Variants in SLC9A9 observed in about 807,000 individuals in gnomAD.
SLC9A9 encodes the protein solute carrier family 9 member A9.
Under a neutral mutation model 77.8 loss-of-function variants are expected in SLC9A9, and 62 were observed. The observed-to-expected ratio is 0.80, with a 90% CI of 0.65 to 0.98. The LOEUF is 0.98. SLC9A9 is among the 50% of genes least tolerant of loss of function. SLC9A9 has a pLI of 0.00. For synonymous variants in SLC9A9, 320 were observed against 283.5 expected, an observed-to-expected ratio of 1.13 and a Z score of -1.29; for missense variants, 775 against 774.9, an observed-to-expected ratio of 1.00 and a Z score of 0.00.
chr3:143,595,287 C>G (rs2037735318), intron 6 of SLC9A9, among the ~76,000 whole-genome samples: 1 of 152,138 alleles, frequency 6.6e-6, no homozygotes, highest in East Asian at 1.9e-4. Context: ...AATTGAGTAT[C>G]TTTTTAAATG....
intron 5 of SLC9A9, among the ~76,000 whole-genome samples, chr3:143,658,278 C>G (rs569205395): frequency 6.6e-6 from 1 of 152,348 alleles, no homozygotes; most frequent in African/African-American, 2.4e-5. Context: ...TGCCCTAAGG[C>G]ATTTGTTATA....
intron 11 of SLC9A9, among the ~76,000 whole-genome samples, chr3:143,468,232 TA>T (rs1278506428): frequency 6.6e-6 from 1 of 152,262 alleles, no homozygotes. Context: ...TTTAGGTTTT[TA>T]AGAAATCACT....
intron 6 of SLC9A9, among the ~76,000 whole-genome samples, chr3:143,614,867 G>A (rs184774879): frequency 6.6e-6 from 1 of 152,352 alleles, no homozygotes; most frequent in East Asian, 1.9e-4. Flanking sequence ...GGTTATGAAA[G>A]CTTAAGTCCA....
intron 6 of SLC9A9, among the ~76,000 whole-genome samples, chr3:143,647,556 C>T (rs1177881907): frequency 6.6e-6 from 1 of 152,092 alleles, no homozygotes; most frequent in East Asian, 1.9e-4. Flanking sequence ...CATCCTTTGC[C>T]TATATCGTGA....
intron 14 of SLC9A9, among the ~76,000 whole-genome samples, chr3:143,292,378 A>G (rs2030040662): frequency 7.9e-5 from 12 of 152,324 alleles, no homozygotes; most frequent in Admixed American, 7.2e-4. Flanking sequence ...GACTTACACT[A>G]CTATTTCCAT....
chr3:143,728,124 G>A (rs1934708466), intron 4 of SLC9A9, among the ~76,000 whole-genome samples: 1 of 152,222 alleles, frequency 6.6e-6, no homozygotes, highest in South Asian at 2.1e-4. Context: ...TCTAAGGACA[G>A]CAACTATTCT....
At position 143,578,729 on chromosome 3, in the gene SLC9A9, A is replaced by C. The variant is rs2037407154; in HGVS notation, c.756-6T>G. The C allele has an allele frequency of 6.2e-7, 1 of 1,613,822 alleles. No individual in the cohort carries two copies. The highest frequency in any genetic ancestry group is 1.3e-5 in the African/African-American group (1 of 74,930). ...GACTGTAAATGGATATAGAACTGAAAAGAGAAGAGGGTGGAGGTTAGTTAG... is the reference window on the plus strand; with the variant it reads ...GACTGTAAATGGATATAGAACTGAACAGAGAAGAGGGTGGAGGTTAGTTAG... On this transcript the variant is annotated splice_polypyrimidine_tract_variant and splice_region_variant and intron_variant, in intron 6 of 15. Coordinates refer to ENST00000316549, the MANE Select transcript of SLC9A9 (RefSeq NM_173653.4).
intron 6 of SLC9A9, among the ~76,000 whole-genome samples, chr3:143,635,111 T>C (rs1207103720): frequency 6.6e-6 from 1 of 152,100 alleles, no homozygotes; most frequent in Non-Finnish European, 1.5e-5. Context: ...CTGCTCCACG[T>C]GGTATCAGCT....
chr3:143,287,126 G>A (rs1342893330), intron 14 of SLC9A9, among the ~76,000 whole-genome samples: 1 of 140,438 alleles, frequency 7.1e-6, no homozygotes, highest in Non-Finnish European at 1.5e-5. Context: ...TGTGTGTGTG[G>A]AGCGGGGTGC....
chr3:143,307,443 A>T (rs111532413), intron 14 of SLC9A9, among the ~76,000 whole-genome samples: 1,559 of 152,304 alleles, frequency 0.01, 28 homozygotes, highest in African/African-American at 0.036. Flanking sequence ...CTTGACAATG[A>T]TCTTAATGCA....
chr3:143,606,436 C>CTATATATATATATA lies in SLC9A9; in HGVS notation c.756-27727_756-27714dup, dbSNP rs60773685. Among the ~76,000 whole-genome samples, 249 of 54,142 alleles carry CTATATATATATATA rather than the reference C, an allele frequency of 4.6e-3. 6 individuals carry two copies. Among genetic ancestry groups the CTATATATATATATA allele is most frequent in the East Asian group, 7.4e-3 (10 of 1,358 alleles). 35.5% of individuals were successfully genotyped at this position (54,142 alleles called of 152,430 possible). A position where few individuals can be genotyped will look rare whatever the true frequency, so the allele number is the denominator to read the frequency against. On this transcript the variant is annotated intron_variant, in intron 6 of 15. Coordinates refer to ENST00000316549, the MANE Select transcript of SLC9A9 (RefSeq NM_173653.4). ...TCTCTCTCTCTCTCTCTCTCTCTCT[C>CTATATATATATATA]TATATATATATATATATATATATAT...
intron 12 of SLC9A9, among the ~76,000 whole-genome samples, chr3:143,437,243 A>C (rs2034636961): frequency 6.6e-6 from 1 of 152,216 alleles, no homozygotes; most frequent in African/African-American, 2.4e-5. Flanking sequence ...AAGTGACACG[A>C]TTGGCCCAAA....
intron 5 of SLC9A9, among the ~76,000 whole-genome samples, chr3:143,658,743 TC>T (rs1265003703): frequency 6.6e-6 from 1 of 151,996 alleles, no homozygotes; most frequent in African/African-American, 2.4e-5. Context: ...AGAAATACAA[TC>T]CCTAGCAGTC....
chr3:143,625,413 A>G (rs2038303795), intron 6 of SLC9A9, among the ~76,000 whole-genome samples: 1 of 152,222 alleles, frequency 6.6e-6, no homozygotes. Flanking sequence ...GTACCAAAAC[A>G]GAGATATAGA....
At chr3:143,546,501 CTA>C (rs2036791954) in intron 9 of SLC9A9, among the ~76,000 whole-genome samples, 2 of 152,270 alleles carry the variant, frequency 1.3e-5, no homozygotes, top group South Asian at 4.1e-4. Context: ...GAATCAAATA[CTA>C]TATAAAGTAA....
intron 4 of SLC9A9, among the ~76,000 whole-genome samples, chr3:143,769,663 A>G (rs1479860318): frequency 6.6e-6 from 1 of 152,228 alleles, no homozygotes; most frequent in East Asian, 1.9e-4. Flanking sequence ...ATACAAAAAT[A>G]CAAGAATATA....
intron 9 of SLC9A9, among the ~76,000 whole-genome samples, chr3:143,506,909 T>A (rs1255893409): frequency 6.6e-6 from 1 of 152,148 alleles, no homozygotes; most frequent in East Asian, 1.9e-4. Flanking sequence ...ATCGTGTCTT[T>A]AAAAAATCCC....
At chr3:143,362,441 C>G (rs7614192) in intron 14 of SLC9A9, among the ~76,000 whole-genome samples, 4 of 151,976 alleles carry the variant, frequency 2.6e-5, no homozygotes, top group Admixed American at 6.5e-5. Context: ...CTTCACTTCT[C>G]TCTTAATTTT....
At chr3:143,503,505 GTCA>G in intron 9 of SLC9A9, 1 of 382,252 alleles carries the variant, frequency 2.6e-6, no homozygotes, top group Non-Finnish European at 5.1e-6. Flanking sequence ...CCTTCATGAT[GTCA>G]TCATATTTGG....
Sources: allele counts gnomAD v4.1 joint callset (sites outside exome capture counted in the v4.1 genomes callset), GRCh38; gene constraint gnomAD v4.1.1; transcripts MANE v1.5; gene names NCBI Gene and HGNC (gene_info 2026-07-23, HGNC 2026-07-21).